Variants in CUX1 observed in about 807,000 individuals in gnomAD.
CUX1 encodes the protein cut like homeobox 1.
Under a neutral mutation model 158.8 loss-of-function variants are expected in CUX1, and 31 were observed. The ratio of observed to expected loss-of-function variants is 0.20; its 90% CI spans 0.15 to 0.26. The LOEUF is 0.26. Ranked by LOEUF, CUX1 falls within the 10% of genes least tolerant of loss-of-function variation. The probability of loss-of-function intolerance (pLI) is 1.00; values close to 1 mark genes in which losing one functional copy is unlikely to be tolerated. For missense variants in CUX1, 1,589 were observed against 2,014.6 expected, an observed-to-expected ratio of 0.79 and a Z score of 4.04; for synonymous variants, 879 against 862.1, an observed-to-expected ratio of 1.02 and a Z score of -0.34.
intron 2 of CUX1, among the ~76,000 whole-genome samples, chr7:101,969,982 CAAAAAAAAAAA>C (rs34167642): frequency 3.1e-4 from 17 of 55,658 alleles, no homozygotes; most frequent in East Asian, 6.1e-4. Flanking sequence ...GAGTTAGCAC[CAAAAAAAAAAA>C]AAAAAAAAAA....
At chr7:101,957,430 T>A (rs1809910655) in intron 2 of CUX1, among the ~76,000 whole-genome samples, 1 of 152,028 alleles carries the variant, frequency 6.6e-6, no homozygotes, top group Non-Finnish European at 1.5e-5. Flanking sequence ...AGAATGTTAC[T>A]TTTTTTTAGG....
At chr7:102,056,964 C>A (rs1375734448) in intron 3 of CUX1, among the ~76,000 whole-genome samples, 1 of 147,172 alleles carries the variant, frequency 6.8e-6, no homozygotes, top group East Asian at 2.0e-4. Flanking sequence ...TCTAGTGGTG[C>A]GATCTCGGCT....
chr7:101,984,092 ATATATATATAT>A (rs1563091703), intron 2 of CUX1, among the ~76,000 whole-genome samples: 1,073 of 19,614 alleles, frequency 0.055, 136 homozygotes, highest in Non-Finnish European at 0.088. Context: ...AAAAAAAAAT[ATATATATATAT>A]ATATATATAT....
intron 2 of CUX1, among the ~76,000 whole-genome samples, chr7:101,950,489 G>A (rs570100420): frequency 2.6e-5 from 4 of 152,074 alleles, no homozygotes; most frequent in African/African-American, 9.6e-5. Context: ...CTACAGTTTA[G>A]TGGAATTAGG....
chr7:102,124,381 TCA>T (rs1554494465), intron 8 of CUX1, among the ~76,000 whole-genome samples: 1 of 152,256 alleles, frequency 6.6e-6, no homozygotes, highest in East Asian at 1.9e-4. Context: ...ATACCTGCAC[TCA>T]CACGTTTATC....
intron 20 of CUX1, chr7:102,281,805 G>C: frequency 6.9e-7 from 1 of 1,443,180 alleles, no homozygotes; most frequent in Non-Finnish European, 9.8e-7. Context: ...GGGTGAGGCC[G>C]GCCCCATCCC....
Position 101,850,417 on chromosome 7 carries a change from CTTTCTT to C in CUX1, c.30+32752_30+32757del, listed in dbSNP as rs1257340474. On this transcript the variant is annotated intron_variant, in intron 1 of 23. Coordinates refer to ENST00000292535, the MANE Select transcript of CUX1 (RefSeq NM_181552.4). The stretch of plus-strand genomic sequence containing the variant: ...GCCCTGGTTTTCTTTTTCTTTCTTT[CTTTCTT>C]TTTTTTTTTTTTTTTTTTGAGACAG... Among the ~76,000 whole-genome samples the C allele has an allele frequency of 3.9e-3, 491 of 126,710 alleles. 1 individual carries two copies. The highest frequency in any genetic ancestry group is 0.016 in the African/African-American group (463 of 28,676). 83.1% of individuals were successfully genotyped at this position (126,710 alleles called of 152,430 possible).
chr7:101,898,757 A>T (rs1372050357), intron 1 of CUX1, among the ~76,000 whole-genome samples: 2 of 151,912 alleles, frequency 1.3e-5, no homozygotes, highest in Non-Finnish European at 2.9e-5. Flanking sequence ...CACCTGGCTA[A>T]TATTTATATT....
chr7:102,277,918 C>A, intron 17 of CUX1: 2 of 1,171,848 alleles, frequency 1.7e-6, no homozygotes, highest in Admixed American at 2.2e-5. Context: ...AGGCCTCTCC[C>A]CCACCCCTTT....
At chr7:102,116,596 A>G (rs1462687929) in intron 8 of CUX1, among the ~76,000 whole-genome samples, 1 of 152,074 alleles carries the variant, frequency 6.6e-6, no homozygotes, top group Non-Finnish European at 1.5e-5. Flanking sequence ...GTGAGCTGTG[A>G]TCGTACCAGT....
chr7:102,216,647 A>C (rs1230709652), intron 20 of CUX1, among the ~76,000 whole-genome samples: 10 of 107,858 alleles, frequency 9.3e-5, no homozygotes, highest in African/African-American at 3.3e-4. Flanking sequence ...ACACGCACAC[A>C]CACACACTCT....
downstream of CUX1, among the ~76,000 whole-genome samples, chr7:102,259,049 G>A (rs574862610): frequency 1.1e-4 from 16 of 152,288 alleles, no homozygotes; most frequent in Non-Finnish European, 1.8e-4. Flanking sequence ...TGACTTGGTC[G>A]CATATTAATT....
chr7:101,991,661 AG>A (rs1478402688), intron 2 of CUX1, among the ~76,000 whole-genome samples: 1 of 151,650 alleles, frequency 6.6e-6, no homozygotes, highest in Non-Finnish European at 1.5e-5. Flanking sequence ...CGGGAGGCTG[AG>A]GCAGGAGAAT....
At chr7:102,030,636 A>G (rs1350842807) in intron 3 of CUX1, among the ~76,000 whole-genome samples, 3 of 150,358 alleles carry the variant, frequency 2.0e-5, no homozygotes, top group Non-Finnish European at 4.4e-5. Flanking sequence ...AGGTCCAGTC[A>G]GGTTCACACA....
At chr7:102,192,763 A>T (rs575615418) in intron 12 of CUX1, among the ~76,000 whole-genome samples, 1 of 152,376 alleles carries the variant, frequency 6.6e-6, no homozygotes, top group East Asian at 1.9e-4. Context: ...CTCACGGTCC[A>T]GCCAGCCTGC....
At chr7:102,118,702 A>T (rs930821009) in intron 8 of CUX1, among the ~76,000 whole-genome samples, 3 of 152,166 alleles carry the variant, frequency 2.0e-5, no homozygotes, top group Non-Finnish European at 2.9e-5. Flanking sequence ...TCTGACCTGT[A>T]CAATGGGCAT....
intron 20 of CUX1, among the ~76,000 whole-genome samples, chr7:102,224,084 T>C (rs1798109254): frequency 6.6e-6 from 1 of 152,252 alleles, no homozygotes; most frequent in African/African-American, 2.4e-5. Context: ...GCAAAAAACA[T>C]GTACTCAATC....
intron 20 of CUX1, among the ~76,000 whole-genome samples, chr7:102,219,006 T>G (rs1466599873): frequency 6.8e-6 from 1 of 146,910 alleles, no homozygotes; most frequent in Non-Finnish European, 1.5e-5. Flanking sequence ...TGAGCCAAGA[T>G]TGCACCATTA....
In CUX1 at chr7:102,255,538, G is replaced by C. The variant is rs1168369612; in HGVS notation, c.*6496G>C. The C allele has an allele frequency of 2.0e-6, 2 of 985,272 alleles. No homozygotes were observed. Among genetic ancestry groups the C allele is most frequent in the Non-Finnish European group, 2.4e-6 (2 of 829,936 alleles). The allele number at this position is 985,272 out of a possible 1,614,324, so 61.0% of individuals were successfully genotyped here. On this transcript the variant is annotated 3_prime_UTR_variant, in exon 24 of 24. Transcript: ENST00000292535. The stretch of plus-strand genomic sequence containing the variant: ...CTTTTAGTTTACCCGATAATGTTAA[G>C]AAAGCATTAGTCTACGTTACTGTAA...
Sources: gnomAD v4.1 joint callset for allele counts (sites outside exome capture counted in the v4.1 genomes callset) on GRCh38, gnomAD v4.1.1 for gene constraint, MANE v1.5 for transcripts, NCBI Gene and HGNC (gene_info 2026-07-23, HGNC 2026-07-21) for gene names.